The following TIMMDC1 variants were observed in gnomAD, a reference collection of about 807,000 sequenced individuals.
TIMMDC1 encodes translocase of inner mitochondrial membrane domain containing 1, also known as complex I assembly factor TIMMDC1, mitochondrial.
In TIMMDC1, 25 loss-of-function variants were observed where a neutral mutation model predicts 32.6. The ratio of observed to expected loss-of-function variants is 0.77; its 90% CI spans 0.56 to 1.07. The LOEUF (loss-of-function observed/expected upper bound fraction) is 1.07. Ranked by LOEUF, TIMMDC1 falls within the 50% of genes least tolerant of loss-of-function variation. TIMMDC1 has a pLI of 0.00. For synonymous variants in TIMMDC1, 130 were observed against 127.6 expected (o/e 1.02, Z -0.13); for missense variants, 329 against 349.2 (o/e 0.94, Z 0.46).
intron 2 of TIMMDC1, among the ~76,000 whole-genome samples, chr3:119,501,140 G>A (rs2081871578): frequency 1.3e-5 from 2 of 152,124 alleles, no homozygotes; most frequent in Admixed American, 1.3e-4. Context: ...AATCGTCAAG[G>A]CTCAGCTGTA....
At chr3:119,499,090 T>TTA in intron 1 of TIMMDC1, 163 bp downstream of exon 1, 2 of 571,592 alleles carry the variant, frequency 3.5e-6, no homozygotes, top group Non-Finnish European at 5.8e-6. Flanking sequence ...TCTTTTTTCT[T>TTA]TCTTTTTTTT....
Position 119,517,153 on chromosome 3 carries a change from G to A in TIMMDC1, c.597-52G>A, listed in dbSNP as rs137960385. On this transcript the variant is annotated intron_variant, in intron 5 of 6. Coordinates refer to ENST00000494664, the MANE Select transcript of TIMMDC1 (RefSeq NM_016589.4). ...ACCTTAGCAGAGAATCTCACATGTTGCAAGGTCTAATGACTCGTTTTTCCT... is the reference window on the plus strand; with the variant it reads ...ACCTTAGCAGAGAATCTCACATGTTACAAGGTCTAATGACTCGTTTTTCCT... The A allele has an allele frequency of 2.6e-4, 291 of 1,138,046 alleles. 3 individuals are homozygous for A. In the African/African-American group the frequency reaches 3.7e-3, roughly 14 times the overall value. The allele number at this position is 1,138,046 out of a possible 1,614,324, so 70.5% of individuals were successfully genotyped here.
rs2081840260 is a variant in TIMMDC1 at position 119,498,558 on chromosome 3, A to G, written c.-176A>G. The G allele has an allele frequency of 3.3e-6, 2 of 614,596 alleles. No homozygotes were observed. The highest frequency in any genetic ancestry group is 1.9e-5 in the African/African-American group (1 of 53,810). 38.1% of individuals were successfully genotyped at this position (614,596 alleles called of 1,614,324 possible). On this transcript the variant is annotated 5_prime_UTR_variant, in exon 1 of 7. Coordinates refer to ENST00000494664, the MANE Select transcript of TIMMDC1 (RefSeq NM_016589.4). ...GCGGGACTTCCTGTGTCGTATTTCC[A>G]AGGACTCCAAAGCGAGGCCGGGGAC... is the stretch of plus-strand genomic sequence containing the variant.
Position 119,503,953 on chromosome 3 carries a change from G to A in TIMMDC1, c.450-1G>A. ...TTTTCCTTCTCCTCCCTTTTTACCA[G>A]CACAGTGAACACTAGTCTGAATGTA... On this transcript the variant is annotated splice_acceptor_variant, in intron 3 of 6. Transcript: ENST00000494664. LOFTEE classifies it high-confidence loss of function. 3 of 1,612,270 alleles carry A rather than the reference G, an allele frequency of 1.9e-6. No homozygotes were observed. Among genetic ancestry groups the A allele is most frequent in the Non-Finnish European group, 8.5e-7 (1 of 1,178,716 alleles).
At chr3:119,511,170 A>G (rs780550210) in intron 4 of TIMMDC1, among the ~76,000 whole-genome samples, 2 of 152,122 alleles carry the variant, frequency 1.3e-5, no homozygotes, top group Admixed American at 6.5e-5. Flanking sequence ...ACATTTTTCA[A>G]TATATTTATT....
chr3:119,520,829 A>G (rs55968892), intron 6 of TIMMDC1, among the ~76,000 whole-genome samples: 16,132 of 152,240 alleles, frequency 0.11, 2,098 homozygotes, highest in African/African-American at 0.31. Context: ...CTACAAAACA[A>G]TCCTTAACAA....
In TIMMDC1 at chr3:119,523,940, C is replaced by T. The variant is rs952428299; in HGVS notation, c.*184C>T. ...ACTAAGAATGGGGCTGTTGTACTCTCACTTTACTTATCCTTAAATTTAAAT... is the reference window on the plus strand; with the variant it reads ...ACTAAGAATGGGGCTGTTGTACTCTTACTTTACTTATCCTTAAATTTAAAT... On this transcript the variant is annotated 3_prime_UTR_variant, in exon 7 of 7. Transcript: ENST00000494664. The T allele has an allele frequency of 3.0e-5, 14 of 471,658 alleles. No individual in the cohort carries two copies. The highest frequency in any genetic ancestry group is 5.1e-5 in the Non-Finnish European group (14 of 272,450). The allele number at this position is 471,658 out of a possible 1,614,324, so 29.2% of individuals were successfully genotyped here.
At chr3:119,501,986 T>A (rs1248924682) in intron 2 of TIMMDC1, among the ~76,000 whole-genome samples, 1 of 152,200 alleles carries the variant, frequency 6.6e-6, no homozygotes, top group Admixed American at 6.5e-5. Flanking sequence ...CTGGTGATGT[T>A]TACTTCAGTG....
chr3:119,498,864 A>G lies in TIMMDC1; in HGVS notation c.131A>G (p.Tyr44Cys), dbSNP rs940988515. The part of the protein sequence containing the change: ...VLEERQKRLP[Y>C]VPEPYYPESG... Reference sequence around the variant, plus strand: ...GAGGAGCGTCAGAAGCGGCTTCCCTACGTCCCAGAGCCCTATTACCCGGAA... The same window carrying G: ...GAGGAGCGTCAGAAGCGGCTTCCCTGCGTCCCAGAGCCCTATTACCCGGAA... The change falls in exon 1 of 7, where the codon TAC becomes TGC. Residue 44 changes from tyrosine (Y) to cysteine (C), a missense_variant. Tyr to Cys is a radical substitution (Grantham distance 194). Coordinates refer to ENST00000494664, the MANE Select transcript of TIMMDC1 (RefSeq NM_016589.4). The G allele has an allele frequency of 3.7e-6, 6 of 1,614,026 alleles. No individual in the cohort carries two copies. Among genetic ancestry groups the G allele is most frequent in the Non-Finnish European group, 5.1e-6 (6 of 1,179,994 alleles).
chr3:119,510,645 G>T (rs1016496232), intron 4 of TIMMDC1, among the ~76,000 whole-genome samples: 2 of 152,160 alleles, frequency 1.3e-5, no homozygotes, highest in Non-Finnish European at 2.9e-5. Flanking sequence ...ATAAGTAAAG[G>T]TGATACTTCA....
At chr3:119,516,677 C>T (rs963063461) in intron 5 of TIMMDC1, among the ~76,000 whole-genome samples, 1 of 152,178 alleles carries the variant, frequency 6.6e-6, no homozygotes, top group South Asian at 2.1e-4. Flanking sequence ...CAATGGGTTG[C>T]TATTGGCATT....
intron 4 of TIMMDC1, among the ~76,000 whole-genome samples, chr3:119,510,368 G>C (rs1181946793): frequency 6.6e-6 from 1 of 152,106 alleles, no homozygotes; most frequent in Non-Finnish European, 1.5e-5. Context: ...AGTTAACCCA[G>C]TATTTTTCTA....
At chr3:119,505,232 T>G (rs1014597077) in intron 4 of TIMMDC1, among the ~76,000 whole-genome samples, 2 of 152,208 alleles carry the variant, frequency 1.3e-5, no homozygotes, top group African/African-American at 4.8e-5. Context: ...TTTTTACTTG[T>G]CAGATTTAAA....
intron 4 of TIMMDC1, among the ~76,000 whole-genome samples, chr3:119,511,767 T>A (rs543975265): frequency 1.1e-4 from 16 of 152,316 alleles, no homozygotes; most frequent in South Asian, 4.1e-4. Flanking sequence ...GGACATGAAT[T>A]TGTAATTCAC....
At chr3:119,523,523 CAA>C (rs2082044453) in intron 6 of TIMMDC1, 81 bp from the exon 7 acceptor site, 1 of 1,399,582 alleles carries the variant, frequency 7.1e-7, no homozygotes, top group African/African-American at 1.5e-5. Context: ...GAGGAAAAGA[CAA>C]ATGCTATCCT....
rs78843546 is a variant in TIMMDC1 at position 119,510,993 on chromosome 3, A to G, written c.518-2648A>G. 2.5e-3 allele frequency among the ~76,000 whole-genome samples: 376 copies of G among 152,336 alleles called. 2 individuals carry two copies. Among genetic ancestry groups the G allele is most frequent in the African/African-American group, 7.6e-3 (315 of 41,558 alleles). On this transcript the variant is annotated intron_variant, in intron 4 of 6. Transcript: ENST00000494664. ...ACTTAACTACTAATGGCCTGCTGTT[A>G]TCCAGAGGCCTTACCAATAACATAA...
At chr3:119,505,096 A>AAAT (rs761506418) in intron 4 of TIMMDC1, among the ~76,000 whole-genome samples, 2 of 150,102 alleles carry the variant, frequency 1.3e-5, no homozygotes, top group Admixed American at 6.6e-5. Context: ...AAAAAAAAAA[A>AAAT]GTAGATTTTA....
At chr3:119,503,737 C>CTT in intron 3 of TIMMDC1, 117 bp downstream of exon 3, 1 of 734,054 alleles carries the variant, frequency 1.4e-6, no homozygotes, top group Non-Finnish European at 1.9e-6. Flanking sequence ...ATTAATAATG[C>CTT]CTTTTTTTTT....
At chr3:119,502,186 A>G (rs533989948) in intron 2 of TIMMDC1, among the ~76,000 whole-genome samples, 1 of 152,154 alleles carries the variant, frequency 6.6e-6, no homozygotes, top group African/African-American at 2.4e-5. Context: ...ACTATTCTAA[A>G]TTCTTAGCAT....
Sources: gnomAD v4.1 joint callset for allele counts (sites outside exome capture counted in the v4.1 genomes callset) on GRCh38, gnomAD v4.1.1 for gene constraint, MANE v1.5 for transcripts, NCBI Gene and HGNC (gene_info 2026-07-23, HGNC 2026-07-21) for gene names.